Variants in EPHA6 observed in about 807,000 individuals in gnomAD.
The protein encoded by EPHA6 is EPH receptor A6.
In EPHA6, 50 loss-of-function variants were observed where a neutral mutation model predicts 112.0. That is an observed-to-expected ratio of 0.45 (90% CI 0.36 to 0.56). The LOEUF (loss-of-function observed/expected upper bound fraction) is 0.56, where lower values mean the gene tolerates loss of function less well. Among genes scored for constraint, EPHA6 ranks in the 20% least tolerant of loss-of-function variants. The pLI, the probability that EPHA6 is intolerant of heterozygous loss-of-function variation, is 0.00. For synonymous variants in EPHA6, 529 were observed against 490.7 expected (o/e 1.08, Z -1.03); for missense variants, 1,280 against 1,417.4 (o/e 0.90, Z 1.56).
Position 97,543,571 on chromosome 3 carries a change from T to A in EPHA6, c.2386+11028T>A, listed in dbSNP as rs1045756374. 4.2e-3 allele frequency among the ~76,000 whole-genome samples: 635 copies of A among 152,102 alleles called. 6 individuals carry two copies. Among genetic ancestry groups the A allele is most frequent in the African/African-American group, 0.013 (555 of 41,490 alleles). The stretch of plus-strand genomic sequence containing the variant: ...TCTTTTGGCTTAGGATTGACTTGGC[T>A]ATGTGGGCTCTTTTTTGGTTCCATA... On this transcript the variant is annotated intron_variant, in intron 11 of 17. Transcript: ENST00000389672.
Position 96,957,162 on chromosome 3 carries a change from A to G in EPHA6, c.451-30168A>G, listed in dbSNP as rs1176057875. ...TGTGCTGAGTGATTCAGAGACTTTTAAAATAAGTGTTTACAAGGAATCATT... is the reference window on the plus strand; with the variant it reads ...TGTGCTGAGTGATTCAGAGACTTTTGAAATAAGTGTTTACAAGGAATCATT... On this transcript the variant is annotated intron_variant, in intron 2 of 17. Coordinates refer to ENST00000389672, the MANE Select transcript of EPHA6 (RefSeq NM_001080448.3). 2.6e-5 allele frequency among the ~76,000 whole-genome samples: 4 copies of G among 152,230 alleles called. No homozygotes were observed. The East Asian group carries it at 7.7e-4, about 29-fold the overall frequency.
At chr3:97,001,017 GATAT>G (rs57116000) in intron 3 of EPHA6, among the ~76,000 whole-genome samples, 2 of 114,538 alleles carry the variant, frequency 1.7e-5, no homozygotes, top group African/African-American at 4.2e-5. Flanking sequence ...GTCAGAAATT[GATAT>G]ATATATATAT....
intron 11 of EPHA6, among the ~76,000 whole-genome samples, chr3:97,550,541 C>G (rs1262080936): frequency 2.0e-5 from 3 of 152,164 alleles, no homozygotes; most frequent in Non-Finnish European, 4.4e-5. Flanking sequence ...TGAGAAGGAT[C>G]TTTGTTCAGG....
intron 5 of EPHA6, among the ~76,000 whole-genome samples, chr3:97,260,093 G>A (rs2079450934): frequency 6.6e-6 from 1 of 152,180 alleles, no homozygotes; most frequent in Non-Finnish European, 1.5e-5. Context: ...GAGCCACCGT[G>A]CCCAGCCAGA....
At chr3:96,821,842 AT>A (rs2033283389) in intron 1 of EPHA6, among the ~76,000 whole-genome samples, 1 of 151,882 alleles carries the variant, frequency 6.6e-6, no homozygotes, top group African/African-American at 2.4e-5. Flanking sequence ...AATATCAGGC[AT>A]TATGCTAAGT....
At chr3:96,840,877 G>T (rs1392429067) in intron 1 of EPHA6, among the ~76,000 whole-genome samples, 8 of 152,020 alleles carry the variant, frequency 5.3e-5, no homozygotes, top group Admixed American at 2.6e-4. Context: ...ATTCATTTTT[G>T]TTTTAAAGTT....
chr3:97,715,725 T>C (rs2034187690), intron 14 of EPHA6, among the ~76,000 whole-genome samples: 1 of 152,196 alleles, frequency 6.6e-6, no homozygotes, highest in Admixed American at 6.5e-5. Context: ...AATGCACCTA[T>C]AATACAACTC....
At chr3:97,331,798 C>T (rs549608673) in intron 5 of EPHA6, among the ~76,000 whole-genome samples, 1 of 152,106 alleles carries the variant, frequency 6.6e-6, no homozygotes, top group East Asian at 1.9e-4. Flanking sequence ...GGATTCACAG[C>T]CGAATTCACA....
chr3:97,244,662 A>G, intron 5 of EPHA6: 1 of 272,482 alleles, frequency 3.7e-6, no homozygotes, highest in African/African-American at 2.2e-5. Flanking sequence ...TCCTTTTTGC[A>G]TGTCAAATAA....
At chr3:96,913,211 CA>C (rs1435458149) in intron 2 of EPHA6, among the ~76,000 whole-genome samples, 10 of 117,956 alleles carry the variant, frequency 8.5e-5, no homozygotes, top group East Asian at 3.7e-4. Flanking sequence ...CACACACACA[CA>C]CCACACACAC....
chr3:97,202,750 G>A (rs954025483), intron 3 of EPHA6, among the ~76,000 whole-genome samples: 3 of 152,108 alleles, frequency 2.0e-5, no homozygotes, highest in African/African-American at 7.2e-5. Context: ...AACACTTTCT[G>A]AGCAAACCCC....
rs1440027784 is a variant in EPHA6 at position 97,749,851 on chromosome 3, C to T, written c.*1150C>T. 6.6e-6 allele frequency among the ~76,000 whole-genome samples: 1 copy of T among 152,126 alleles called. No homozygotes were observed. The highest frequency in any genetic ancestry group is 1.5e-5 in the Non-Finnish European group (1 of 68,010). ...AATAGTTACATGAACATGCTGAGCT[C>T]TTTTCGAAACCTTCTAAGAAATAAG... On this transcript the variant is annotated 3_prime_UTR_variant, in exon 18 of 18. Coordinates refer to ENST00000389672, the MANE Select transcript of EPHA6 (RefSeq NM_001080448.3).
chr3:96,904,416 A>G (rs899523627), intron 2 of EPHA6, among the ~76,000 whole-genome samples: 4 of 131,816 alleles, frequency 3.0e-5, no homozygotes, highest in Non-Finnish European at 4.6e-5. Flanking sequence ...ATGAGAACAC[A>G]TGGACACAGG....
At chr3:97,041,780 G>A (rs2045324473) in intron 3 of EPHA6, among the ~76,000 whole-genome samples, 1 of 152,028 alleles carries the variant, frequency 6.6e-6, no homozygotes, top group Admixed American at 6.6e-5. Context: ...AGAGAAAAAG[G>A]GAGAGAGAGT....
intron 2 of EPHA6, among the ~76,000 whole-genome samples, chr3:96,967,611 A>T (rs1183962468): frequency 6.6e-6 from 1 of 151,858 alleles, no homozygotes; most frequent in African/African-American, 2.4e-5. Flanking sequence ...TTTTCTAGAA[A>T]TCCATTTTAA....
intron 5 of EPHA6, among the ~76,000 whole-genome samples, chr3:97,306,620 A>T (rs905066189): frequency 1.3e-5 from 2 of 151,874 alleles, no homozygotes; most frequent in African/African-American, 2.4e-5. Flanking sequence ...CAGGAAACAC[A>T]ACATAAAATG....
intron 5 of EPHA6, among the ~76,000 whole-genome samples, chr3:97,391,680 A>T (rs2109064124): frequency 6.6e-6 from 1 of 152,056 alleles, no homozygotes; most frequent in South Asian, 2.1e-4. Context: ...AGGAATAGAG[A>T]GTAAATGTTC....
intron 12 of EPHA6, among the ~76,000 whole-genome samples, chr3:97,597,809 A>G (rs1000909104): frequency 6.6e-6 from 1 of 152,256 alleles, no homozygotes; most frequent in Non-Finnish European, 1.5e-5. Flanking sequence ...TACAAATGGA[A>G]TGTAAGTAAG....
intron 3 of EPHA6, among the ~76,000 whole-genome samples, chr3:97,184,081 G>A (rs939891607): frequency 3.3e-5 from 5 of 152,010 alleles, no homozygotes; most frequent in Non-Finnish European, 7.4e-5. Context: ...CATTAATTTT[G>A]GAGTTGTACC....
Sources: allele counts gnomAD v4.1 joint callset (sites outside exome capture counted in the v4.1 genomes callset), GRCh38; gene constraint gnomAD v4.1.1; transcripts MANE v1.5; gene names NCBI Gene and HGNC (gene_info 2026-07-23, HGNC 2026-07-21).